The following STAG1 variants were observed in gnomAD, a reference collection of about 807,000 sequenced individuals.
The protein encoded by STAG1 is cohesin subunit SA-1.
STAG1 carries 26 observed loss-of-function variants against 170.9 expected under a neutral mutation model. The ratio of observed to expected loss-of-function variants is 0.15; its 90% CI spans 0.11 to 0.21. The LOEUF (loss-of-function observed/expected upper bound fraction) is 0.21, where lower values mean the gene tolerates loss of function less well. STAG1 is among the 10% of genes least tolerant of loss of function. The pLI is 1.00. For missense variants in STAG1, 964 were observed against 1,509.5 expected (o/e 0.64, Z 5.99); for synonymous variants, 514 against 497.7 (o/e 1.03, Z -0.44).
chr3:136,592,095 A>G (rs1361784378), intron 4 of STAG1, among the ~76,000 whole-genome samples: 1 of 152,224 alleles, frequency 6.6e-6, no homozygotes, highest in African/African-American at 2.4e-5. Context: ...TGGAGGAAGT[A>G]TCTGCCTTGG....
intron 6 of STAG1, among the ~76,000 whole-genome samples, chr3:136,531,772 A>AG (rs1289115385): frequency 8.9e-6 from 1 of 111,996 alleles, no homozygotes; most frequent in Non-Finnish European, 1.8e-5. Flanking sequence ...GGGTGCGGGG[A>AG]GGGGGGAGGG....
intron 1 of STAG1, among the ~76,000 whole-genome samples, chr3:136,706,903 C>T (rs1416745247): frequency 1.3e-5 from 2 of 152,136 alleles, no homozygotes; most frequent in Non-Finnish European, 1.5e-5. Flanking sequence ...CAAAAATACA[C>T]TCTATGGTCA....
At chr3:136,521,682 C>T (rs886138341) in intron 6 of STAG1, among the ~76,000 whole-genome samples, 5 of 151,928 alleles carry the variant, frequency 3.3e-5, no homozygotes, top group African/African-American at 1.2e-4. Context: ...ATAATAGTTC[C>T]ACTTTGTTGT....
At chr3:136,410,568 A>C (rs2087598297) in intron 21 of STAG1, among the ~76,000 whole-genome samples, 1 of 152,212 alleles carries the variant, frequency 6.6e-6, no homozygotes, top group African/African-American at 2.4e-5. Flanking sequence ...ATGTGACCTA[A>C]GGCTAGTTAT....
At chr3:136,527,425 C>A (rs1367058789) in intron 6 of STAG1, among the ~76,000 whole-genome samples, 2 of 152,298 alleles carry the variant, frequency 1.3e-5, no homozygotes, top group African/African-American at 4.8e-5. Context: ...AGTTCTAGTG[C>A]CATGGTTTTC....
chr3:136,450,661 A>G (rs1467673529), intron 14 of STAG1, among the ~76,000 whole-genome samples: 2 of 152,264 alleles, frequency 1.3e-5, no homozygotes, highest in Admixed American at 6.5e-5. Context: ...GCACAAATCA[A>G]AAACACTTTT....
At chr3:136,568,192 C>T (rs67113926) in intron 5 of STAG1, among the ~76,000 whole-genome samples, 8,613 of 152,020 alleles carry the variant, frequency 0.057, 338 homozygotes, top group Non-Finnish European at 0.086. Context: ...ACTCACTTCC[C>T]CCCATGTAAT....
intron 5 of STAG1, among the ~76,000 whole-genome samples, chr3:136,556,462 C>T (rs1936619597): frequency 6.6e-6 from 1 of 152,118 alleles, no homozygotes; most frequent in Non-Finnish European, 1.5e-5. Context: ...AAAGACTTTC[C>T]AGTCCAAAAA....
At chr3:136,501,140 A>C (rs1310004896) in intron 8 of STAG1, among the ~76,000 whole-genome samples, 1 of 152,212 alleles carries the variant, frequency 6.6e-6, no homozygotes, top group Admixed American at 6.5e-5. Flanking sequence ...AATTTCTGCA[A>C]CTTCCTCCAA....
intron 7 of STAG1, among the ~76,000 whole-genome samples, chr3:136,515,786 T>C (rs1377927892): frequency 2.0e-5 from 3 of 152,206 alleles, no homozygotes; most frequent in East Asian, 3.8e-4. Context: ...TTTAAAGTTA[T>C]ACTTTATTTT....
At chr3:136,736,964 C>T in intron 1 of STAG1, 1 of 1,597,038 alleles carries the variant, frequency 6.3e-7, no homozygotes, top group Non-Finnish European at 8.6e-7. Context: ...GCCTTTTGTG[C>T]TCTGTCAGCA....
At chr3:136,454,022 C>T (rs1265492786) in intron 13 of STAG1, among the ~76,000 whole-genome samples, 1 of 151,972 alleles carries the variant, frequency 6.6e-6, no homozygotes, top group Non-Finnish European at 1.5e-5. Flanking sequence ...AGAGAAGGTT[C>T]TGTTTAATGG....
chr3:136,694,613 TA>T (rs386398002), intron 1 of STAG1, among the ~76,000 whole-genome samples: 440 of 135,172 alleles, frequency 3.3e-3, no homozygotes, highest in Middle Eastern at 3.7e-3. Flanking sequence ...CCCATCTCTT[TA>T]AAAAAAAAAA....
rs1934158369 is a variant in STAG1 at position 136,733,479 on chromosome 3, C to T, written c.-84+18716G>A. ...TTGTGCAGCCCACAACAGTGGAATACTTTTATTATTATTCCCATTTTACAG... is the reference window on the plus strand; with the variant it reads ...TTGTGCAGCCCACAACAGTGGAATATTTTTATTATTATTCCCATTTTACAG... On this transcript the variant is annotated intron_variant, in intron 1 of 33. Transcript: ENST00000383202. 2.0e-5 allele frequency among the ~76,000 whole-genome samples: 3 copies of T among 152,108 alleles called. No individual in the cohort carries two copies. The South Asian group carries it at 6.2e-4, about 32-fold the overall frequency.
intron 3 of STAG1, among the ~76,000 whole-genome samples, chr3:136,620,135 A>G (rs1329616006): frequency 6.6e-6 from 1 of 152,176 alleles, no homozygotes; most frequent in African/African-American, 2.4e-5. Flanking sequence ...TGCCTATAAT[A>G]GAAACTCCTT....
intron 3 of STAG1, among the ~76,000 whole-genome samples, 162 bp from the exon 4 acceptor site, chr3:136,604,635 T>G (rs1559904413): frequency 6.6e-6 from 1 of 152,166 alleles, no homozygotes; most frequent in Non-Finnish European, 1.5e-5. Context: ...AGTTTATACA[T>G]AAAAGGTATG....
At chr3:136,558,901 G>C (rs1235267646) in intron 5 of STAG1, among the ~76,000 whole-genome samples, 1 of 152,106 alleles carries the variant, frequency 6.6e-6, no homozygotes, top group Non-Finnish European at 1.5e-5. Flanking sequence ...ATTCATATAA[G>C]GTATACTTTA....
At chr3:136,620,557 C>T (rs953285662) in intron 3 of STAG1, among the ~76,000 whole-genome samples, 1 of 152,172 alleles carries the variant, frequency 6.6e-6, no homozygotes, top group Non-Finnish European at 1.5e-5. Flanking sequence ...TAAACTGCAT[C>T]TAAGACCTAT....
intron 21 of STAG1, among the ~76,000 whole-genome samples, chr3:136,412,179 G>C (rs1163314901): frequency 3.3e-5 from 5 of 152,130 alleles, no homozygotes; most frequent in Admixed American, 1.3e-4. Context: ...AGGTATCCAT[G>C]AGTCTACAGT....
Sources: gnomAD v4.1 joint callset for allele counts (sites outside exome capture counted in the v4.1 genomes callset) on GRCh38, gnomAD v4.1.1 for gene constraint, MANE v1.5 for transcripts, NCBI Gene and HGNC (gene_info 2026-07-23, HGNC 2026-07-21) for gene names.